ARHGAP6: variants seen among roughly 807,000 people sequenced by gnomAD.
ARHGAP6 encodes Rho GTPase activating protein 6.
A neutral mutation model predicts 55.7 loss-of-function variants in ARHGAP6; 16 were observed. The observed-to-expected ratio is 0.29, with a 90% CI of 0.19 to 0.44. ARHGAP6 has a LOEUF of 0.44. Among genes scored for constraint, ARHGAP6 ranks in the 20% least tolerant of loss-of-function variants. The pLI is 1.00. For synonymous variants in ARHGAP6, 382 were observed against 360.9 expected, an observed-to-expected ratio of 1.06 and a Z score of -0.66; for missense variants, 698 against 808.9, an observed-to-expected ratio of 0.86 and a Z score of 1.66.
At chrX:11,568,715 C>T (rs1024692327) in intron 1 of ARHGAP6, among the ~76,000 whole-genome samples, 2 of 106,839 alleles carry the variant, frequency 1.9e-5, no homozygotes, top group African/African-American at 3.4e-5. Flanking sequence ...TGAGATTGCG[C>T]CACTGCACTC....
rs376036052 is a variant in ARHGAP6 at position 11,579,240 on chromosome X, C to T, written c.588+85001G>A. ...TTCAAGGGGACTTTCTTTAGAGAAA[C>T]GTTTGGACGATCATGGGCCCAATGA... On this transcript the variant is annotated intron_variant, in intron 1 of 12. Coordinates refer to ENST00000337414, the MANE Select transcript of ARHGAP6 (RefSeq NM_013427.3). 3.6e-5 allele frequency among the ~76,000 whole-genome samples: 4 copies of T among 110,957 alleles called. No homozygotes were observed. The East Asian group carries it at 8.5e-4, about 24-fold the overall frequency.
chrX:11,631,297 G>GGTGGATCACCTGAGGTCTGGA (rs2052358453), intron 1 of ARHGAP6, among the ~76,000 whole-genome samples: 1 of 110,830 alleles, frequency 9.0e-6, no homozygotes, highest in Non-Finnish European at 1.9e-5. Context: ...GGCCGAGCCG[G>GGTGGATCACCTGAGGTCTGGA]GTGGATCACC....
chrX:11,453,280 A>G (rs1485589315), intron 1 of ARHGAP6, among the ~76,000 whole-genome samples: 3 of 98,642 alleles, frequency 3.0e-5, no homozygotes, highest in African/African-American at 3.7e-5. Context: ...GCATATATAT[A>G]CTATATATAT....
chrX:11,339,285 G>A (rs1046082106), intron 1 of ARHGAP6, among the ~76,000 whole-genome samples: 5 of 111,536 alleles, frequency 4.5e-5, no homozygotes, highest in Admixed American at 9.5e-5. Flanking sequence ...CTACCACACC[G>A]ACTTTTATCC....
intron 1 of ARHGAP6, among the ~76,000 whole-genome samples, chrX:11,454,110 A>ATTTTTTTTTTTTTTTTTT (rs1187605203): frequency 5.2e-5 from 4 of 76,854 alleles, no homozygotes; most frequent in Non-Finnish European, 7.2e-5. Flanking sequence ...CGCACGGCTA[A>ATTTTTTTTTTTTTTTTTT]TTTTTTTTTT....
intron 1 of ARHGAP6, among the ~76,000 whole-genome samples, chrX:11,446,233 G>A (rs1321633591): frequency 8.9e-6 from 1 of 111,838 alleles, no homozygotes; most frequent in African/African-American, 3.3e-5. Flanking sequence ...CCACTGTGAT[G>A]AGAATTTCCA....
intron 1 of ARHGAP6, among the ~76,000 whole-genome samples, chrX:11,500,674 AAAAAAAAAAAG>A (rs2050668321): frequency 9.2e-6 from 1 of 108,707 alleles, no homozygotes; most frequent in Admixed American, 1.0e-4. Flanking sequence ...AAAAAAAAAA[AAAAAAAAAAAG>A]AAGAAGCAAA....
chrX:11,337,182 A>G (rs1285992847), intron 1 of ARHGAP6, among the ~76,000 whole-genome samples: 1 of 111,061 alleles, frequency 9.0e-6, no homozygotes. Flanking sequence ...GTAGATATCT[A>G]TAGATATATA....
At chrX:11,385,483 G>C (rs1002495273) in intron 1 of ARHGAP6, among the ~76,000 whole-genome samples, 1 of 111,686 alleles carries the variant, frequency 9.0e-6, no homozygotes, top group Non-Finnish European at 1.9e-5. Flanking sequence ...TCAAACTTTG[G>C]TATTAATACA....
At chrX:11,168,490 C>G (rs903061110) in intron 9 of ARHGAP6, among the ~76,000 whole-genome samples, 1 of 112,035 alleles carries the variant, frequency 8.9e-6, no homozygotes, top group Admixed American at 9.5e-5. Context: ...GGCAAATACT[C>G]TAAACTGCTG....
At chrX:11,280,695 A>T (rs2047843310) in intron 1 of ARHGAP6, among the ~76,000 whole-genome samples, 2 of 100,541 alleles carry the variant, frequency 2.0e-5, no homozygotes, top group Non-Finnish European at 4.0e-5. Context: ...CAGTCAAGAC[A>T]TGATTGTACC....
intron 1 of ARHGAP6, chrX:11,293,310 A>C (rs1289385280): frequency 8.9e-6 from 1 of 111,921 alleles, no homozygotes; most frequent in Non-Finnish European, 1.9e-5. Context: ...ATCATGATAC[A>C]GGGATTTTTA....
chrX:11,176,278 T>C (rs1293465023), intron 8 of ARHGAP6, among the ~76,000 whole-genome samples: 7 of 72,645 alleles, frequency 9.6e-5, no homozygotes, highest in African/African-American at 2.7e-4. Flanking sequence ...CATATATTTA[T>C]ATATTTATAT....
chrX:11,641,501 T>C (rs5935128), intron 1 of ARHGAP6, among the ~76,000 whole-genome samples: 39,304 of 110,756 alleles, frequency 0.35, 5,483 homozygotes, highest in African/African-American at 0.52. Context: ...TATGCTAAAC[T>C]GTCACTTTCA....
intron 1 of ARHGAP6, among the ~76,000 whole-genome samples, chrX:11,443,653 G>A (rs1282264286): frequency 8.9e-6 from 1 of 112,561 alleles, no homozygotes; most frequent in African/African-American, 3.2e-5. Flanking sequence ...TTCCTACCAG[G>A]TGCGGTGGCT....
At chrX:11,568,680 G>A (rs1427671515) in intron 1 of ARHGAP6, among the ~76,000 whole-genome samples, 4 of 107,962 alleles carry the variant, frequency 3.7e-5, no homozygotes, top group Non-Finnish European at 7.7e-5. Flanking sequence ...TCTCTTGAAC[G>A]CTAAGGGTAG....
chrX:11,621,898 A>G (rs938787805), intron 1 of ARHGAP6, among the ~76,000 whole-genome samples: 1 of 111,713 alleles, frequency 9.0e-6, no homozygotes, highest in Non-Finnish European at 1.9e-5. Context: ...CAGAGACAAA[A>G]TACAGTTTGA....
chrX:11,479,027 T>C (rs189894694), intron 1 of ARHGAP6, among the ~76,000 whole-genome samples: 2 of 112,384 alleles, frequency 1.8e-5, no homozygotes, highest in East Asian at 2.8e-4. Flanking sequence ...AATGGGGCTA[T>C]TGAAATGGCA....
chrX:11,570,522 T>C (rs895337762), intron 1 of ARHGAP6, among the ~76,000 whole-genome samples: 1 of 110,607 alleles, frequency 9.0e-6, no homozygotes, highest in African/African-American at 3.3e-5. Flanking sequence ...TCCTAGGAAC[T>C]ATGGTAAGTG....
Sources: allele counts gnomAD v4.1 joint callset (sites outside exome capture counted in the v4.1 genomes callset), GRCh38; gene constraint gnomAD v4.1.1; transcripts MANE v1.5; gene names NCBI Gene and HGNC (gene_info 2026-07-23, HGNC 2026-07-21).